NUBPL: variants seen among roughly 807,000 people sequenced by gnomAD.
The protein encoded by NUBPL is iron-sulfur cluster transfer protein NUBPL.
Under a neutral mutation model 45.7 loss-of-function variants are expected in NUBPL, and 31 were observed. The ratio of observed to expected loss-of-function variants is 0.68; its 90% CI spans 0.51 to 0.92. NUBPL has a LOEUF of 0.92. Ranked by LOEUF, NUBPL falls within the 40% of genes least tolerant of loss-of-function variation. NUBPL has a pLI of 0.00. For missense variants in NUBPL, 401 were observed against 398.7 expected, an observed-to-expected ratio of 1.01 and a Z score of -0.05; for synonymous variants, 144 against 140.9, an observed-to-expected ratio of 1.02 and a Z score of -0.15.
intron 3 of NUBPL, among the ~76,000 whole-genome samples, chr14:31,590,278 T>C (rs1319273222): frequency 6.6e-6 from 1 of 152,164 alleles, no homozygotes; most frequent in East Asian, 1.9e-4. Context: ...TTATTTACCT[T>C]CTTTCTAACT....
chr14:31,856,723 T>C (rs1446984176), intron 10 of NUBPL, among the ~76,000 whole-genome samples: 1 of 152,208 alleles, frequency 6.6e-6, no homozygotes, highest in Non-Finnish European at 1.5e-5. Context: ...CAGTCAAAGC[T>C]TAAAGCTCCA....
At chr14:31,583,797 G>A (rs1030648782) in intron 3 of NUBPL, among the ~76,000 whole-genome samples, 5 of 152,138 alleles carry the variant, frequency 3.3e-5, no homozygotes, top group African/African-American at 1.2e-4. Flanking sequence ...GTTGACATTG[G>A]AAATGGAGAA....
In NUBPL at chr14:31,637,999, A is replaced by G. The variant is rs992079226; in HGVS notation, c.383-35356A>G. On this transcript the variant is annotated intron_variant, in intron 4 of 10. Coordinates refer to ENST00000281081, the MANE Select transcript of NUBPL (RefSeq NM_025152.3). ...ATATGTGTCTCTGCACGTGAGATGG[A>G]TTTCCTGAATACAGCACACGGATGG... is the stretch of plus-strand genomic sequence containing the variant. Among the ~76,000 whole-genome samples the G allele has an allele frequency of 2.6e-4, 40 of 152,004 alleles. 1 individual carries two copies. The highest frequency in any genetic ancestry group is 7.3e-5 in the African/African-American group (3 of 41,372).
chr14:31,672,614 C>A (rs912308416), intron 4 of NUBPL, among the ~76,000 whole-genome samples: 1 of 152,086 alleles, frequency 6.6e-6, no homozygotes, highest in Admixed American at 6.6e-5. Flanking sequence ...AGGCGTGCAC[C>A]ACCATGCCCA....
At chr14:31,648,707 A>G (rs1321965947) in intron 4 of NUBPL, among the ~76,000 whole-genome samples, 1 of 152,252 alleles carries the variant, frequency 6.6e-6, no homozygotes, top group African/African-American at 2.4e-5. Flanking sequence ...GGAAAACCCA[A>G]TGAAATAGTA....
At chr14:31,572,893 C>T (rs1402947740) in intron 3 of NUBPL, among the ~76,000 whole-genome samples, 7 of 152,096 alleles carry the variant, frequency 4.6e-5, no homozygotes, top group African/African-American at 7.2e-5. Flanking sequence ...ATACTGTAGA[C>T]GTTTGTAACA....
At chr14:31,833,125 T>C (rs1439534561) in intron 8 of NUBPL, among the ~76,000 whole-genome samples, 1 of 152,142 alleles carries the variant, frequency 6.6e-6, no homozygotes, top group Non-Finnish European at 1.5e-5. Flanking sequence ...CCCAGCACTT[T>C]GTGAGGCCGA....
chr14:31,635,881 G>A (rs965689010), intron 4 of NUBPL, among the ~76,000 whole-genome samples: 15 of 152,206 alleles, frequency 9.9e-5, no homozygotes, highest in African/African-American at 3.6e-4. Flanking sequence ...TCATGATTTG[G>A]CTCTCTGTTT....
intron 3 of NUBPL, among the ~76,000 whole-genome samples, chr14:31,576,100 CATT>C (rs1468043663): frequency 6.6e-6 from 1 of 152,104 alleles, no homozygotes; most frequent in Non-Finnish European, 1.5e-5. Flanking sequence ...TGGAAATACT[CATT>C]ATAATTGTTT....
intron 6 of NUBPL, among the ~76,000 whole-genome samples, chr14:31,754,813 G>A (rs527842887): frequency 6.8e-6 from 1 of 147,774 alleles, no homozygotes; most frequent in African/African-American, 2.5e-5. Context: ...TCGTCATTTA[G>A]CATTAGGTAT....
intron 6 of NUBPL, among the ~76,000 whole-genome samples, chr14:31,684,398 A>G (rs1033296576): frequency 2.6e-5 from 4 of 151,948 alleles, no homozygotes; most frequent in African/African-American, 9.7e-5. Flanking sequence ...CCCTGTATTG[A>G]AGTGGGGTCC....
chr14:31,802,046 A>G (rs1034012858), intron 7 of NUBPL, among the ~76,000 whole-genome samples: 8 of 152,218 alleles, frequency 5.3e-5, no homozygotes, highest in African/African-American at 1.9e-4. Flanking sequence ...TTATTTGCTA[A>G]TGTAACATTA....
chr14:31,578,080 C>A, intron 3 of NUBPL: 1 of 765,500 alleles, frequency 1.3e-6, no homozygotes, highest in Non-Finnish European at 2.0e-6. Context: ...GTTTTGAATG[C>A]ATTACTGGGT....
intron 6 of NUBPL, among the ~76,000 whole-genome samples, chr14:31,725,885 T>G (rs1446763392): frequency 6.6e-6 from 1 of 151,956 alleles, no homozygotes; most frequent in Non-Finnish European, 1.5e-5. Flanking sequence ...AATTTTTGTA[T>G]TTTTAGTAGT....
chr14:31,803,146 C>A (rs2138872135), intron 7 of NUBPL, among the ~76,000 whole-genome samples: 1 of 152,302 alleles, frequency 6.6e-6, no homozygotes, highest in African/African-American at 2.4e-5. Flanking sequence ...GAGGATCAGA[C>A]AGAAACTTAT....
chr14:31,698,308 A>G (rs907423845), intron 6 of NUBPL, among the ~76,000 whole-genome samples: 1 of 150,716 alleles, frequency 6.6e-6, no homozygotes, highest in Non-Finnish European at 1.5e-5. Context: ...TTGTATTCCC[A>G]TCTTTGCCGT....
chr14:31,659,782 T>C (rs933501321), intron 4 of NUBPL, among the ~76,000 whole-genome samples: 12 of 152,202 alleles, frequency 7.9e-5, no homozygotes, highest in Admixed American at 2.6e-4. Context: ...GTTCTCAATG[T>C]GATCTACTTG....
chr14:31,784,079 A>G (rs1170656874), intron 6 of NUBPL, among the ~76,000 whole-genome samples: 2 of 152,144 alleles, frequency 1.3e-5, no homozygotes, highest in Non-Finnish European at 2.9e-5. Context: ...TATTAACGTG[A>G]AAGGCTAGGA....
At chr14:31,689,100 G>A (rs1276749479) in intron 6 of NUBPL, among the ~76,000 whole-genome samples, 1 of 151,696 alleles carries the variant, frequency 6.6e-6, no homozygotes, top group Non-Finnish European at 1.5e-5. Flanking sequence ...CCGTGCCTTT[G>A]CTATTGTGAA....
Sources: allele counts gnomAD v4.1 joint callset (sites outside exome capture counted in the v4.1 genomes callset), GRCh38; gene constraint gnomAD v4.1.1; transcripts MANE v1.5; gene names NCBI Gene and HGNC (gene_info 2026-07-23, HGNC 2026-07-21).